Variants in TP53INP1 observed in about 807,000 individuals in gnomAD.
TP53INP1 encodes tumor protein p53-inducible nuclear protein 1.
TP53INP1 carries 12 observed loss-of-function variants against 21.0 expected under a neutral mutation model. That is an observed-to-expected ratio of 0.57 (90% CI 0.37 to 0.93). The LOEUF is 0.93. Ranked by LOEUF, TP53INP1 falls within the 40% of genes least tolerant of loss-of-function variation. The probability of loss-of-function intolerance (pLI) is 0.01; values close to 1 mark genes in which losing one functional copy is unlikely to be tolerated. For synonymous variants in TP53INP1, 91 were observed against 94.8 expected, an observed-to-expected ratio of 0.96 and a Z score of 0.23; for missense variants, 274 against 294.7, an observed-to-expected ratio of 0.93 and a Z score of 0.51.
At chr8:94,938,348 A>G (rs889114196) in intron 3 of TP53INP1, among the ~76,000 whole-genome samples, 1 of 152,188 alleles carries the variant, frequency 6.6e-6, no homozygotes, top group African/African-American at 2.4e-5. Context: ...TCCAAGTTTG[A>G]AGACTGAGGC....
chr8:94,940,248 C>G, intron 2 of TP53INP1, 28 bp from the exon 3 acceptor site: 1 of 1,575,266 alleles, frequency 6.3e-7, no homozygotes, highest in Non-Finnish European at 8.6e-7. Context: ...TTGCAGTCCA[C>G]ATGTGTTGTT....
intron 3 of TP53INP1, among the ~76,000 whole-genome samples, chr8:94,938,677 C>A (rs2956208): frequency 6.6e-6 from 1 of 152,216 alleles, no homozygotes; most frequent in African/African-American, 2.4e-5. Context: ...TTCAGGGAGC[C>A]TCTGGAGAGC....
chr8:94,930,498 G>A lies in TP53INP1; in HGVS notation c.704C>T (p.Pro235Leu), dbSNP rs745376357. ...HNGWVVHQPC[P>L]RQYNY The stretch of plus-strand genomic sequence containing the variant: ...AAACTATTAGTAATTGTACTGACGC[G>A]GGCAGGGCTGATGAACAACCCAGCC... The change falls in exon 4 of 4, where the codon CCG (proline) becomes CTG (leucine). Residue 235 changes from proline (P) to leucine (L), a missense_variant. Pro to Leu is a moderately conservative substitution (Grantham distance 98, BLOSUM62 -3). Coordinates refer to ENST00000342697, the MANE Select transcript of TP53INP1 (RefSeq NM_033285.4). 3.3e-5 allele frequency: 53 copies of A among 1,614,058 alleles called. No individual in the cohort carries two copies. The highest frequency in any genetic ancestry group is 2.4e-4 in the African/African-American group (18 of 74,922).
chr8:94,935,102 GGTAGGTAGGTAC>G (rs990617734), intron 3 of TP53INP1, among the ~76,000 whole-genome samples: 4 of 149,228 alleles, frequency 2.7e-5, no homozygotes, highest in Non-Finnish European at 5.9e-5. Flanking sequence ...TAGGTAGGTA[GGTAGGTAGGTAC>G]ATAGGTAGAT....
chr8:94,930,462 A>C lies in TP53INP1; in HGVS notation c.*17T>G. ...AAGCACAAACCAAGAGAAACCAACC[A>C]ACAAAACTTGAAACTATTAGTAATT... On this transcript the variant is annotated 3_prime_UTR_variant, in exon 4 of 4. Coordinates refer to ENST00000342697, the MANE Select transcript of TP53INP1 (RefSeq NM_033285.4). 2 of 1,613,006 alleles carry C rather than the reference A, an allele frequency of 1.2e-6. 1 individual carries two copies.
chr8:94,934,160 AC>A (rs1183117364), intron 3 of TP53INP1, among the ~76,000 whole-genome samples: 15 of 148,104 alleles, frequency 1.0e-4, no homozygotes, highest in African/African-American at 2.9e-4. Flanking sequence ...AAAAAAAAAA[AC>A]ACAATCTGGA....
chr8:94,930,361 A>C lies in TP53INP1; in HGVS notation c.*118T>G. 7.1e-7 allele frequency: 1 copy of C among 1,409,030 alleles called. No homozygotes were observed. The highest frequency in any genetic ancestry group is 9.7e-7 in the Non-Finnish European group (1 of 1,028,230). 87.3% of individuals were successfully genotyped at this position (1,409,030 alleles called of 1,614,324 possible). On this transcript the variant is annotated 3_prime_UTR_variant, in exon 4 of 4. Transcript: ENST00000342697. ...AAGATAGTGTCTAAATACACTGATA[A>C]AACTATGTGATTGGTTATCAATTGG...
intron 2 of TP53INP1, among the ~76,000 whole-genome samples, chr8:94,940,627 T>C (rs922287351): frequency 3.9e-5 from 6 of 152,192 alleles, no homozygotes; most frequent in African/African-American, 1.4e-4. Flanking sequence ...CTGTGAGAGT[T>C]GCAAAACTAA....
Position 94,928,593 on chromosome 8 carries a change from C to G in TP53INP1, c.*1886G>C, listed in dbSNP as rs1820102631. On this transcript the variant is annotated 3_prime_UTR_variant, in exon 4 of 4. Transcript: ENST00000342697. ...GACAACAAATAAATAAAGGGGAAGT[C>G]AAAACGGAAGGGGCAATAAGGAGAA... 6.6e-6 allele frequency: 1 copy of G among 152,364 alleles called. No individual in the cohort carries two copies. The highest frequency in any genetic ancestry group is 2.4e-5 in the African/African-American group (1 of 41,424). The allele number at this position is 152,364 out of a possible 1,614,324, so 9.4% of individuals were successfully genotyped here. A position where few individuals can be genotyped will look rare whatever the true frequency, so the allele number is the denominator to read the frequency against.
At chr8:94,936,293 A>G (rs949169658) in intron 3 of TP53INP1, among the ~76,000 whole-genome samples, 1 of 152,202 alleles carries the variant, frequency 6.6e-6, no homozygotes, top group Non-Finnish European at 1.5e-5. Flanking sequence ...GAAATGGTTT[A>G]TACAGGATCA....
Position 94,940,142 on chromosome 8 carries a change from G to A in TP53INP1, c.191C>T (p.Ser64Leu). 1 of 1,614,198 alleles carries A rather than the reference G, an allele frequency of 6.2e-7. No individual in the cohort carries two copies. Among genetic ancestry groups the A allele is most frequent in the Middle Eastern group, 1.6e-4 (1 of 6,062 alleles). ...ISEESPTEHP[S>L]VFSCLPASLE... is the part of the protein sequence containing the mutation. ...AGATGCCGGTAAACAGGAAAAGACT[G>A]AAGGGTGCTCAGTAGGTGACTCTTC... The change falls in exon 3 of 4, where the codon TCA becomes TTA. Residue 64 changes from serine (S) to leucine (L), a missense_variant. Physicochemically the swap from Ser to Leu is moderately radical, Grantham distance 145 (BLOSUM62 -2). Coordinates refer to ENST00000342697, the MANE Select transcript of TP53INP1 (RefSeq NM_033285.4).
At chr8:94,932,219 A>T in intron 3 of TP53INP1, 2 of 1,123,030 alleles carry the variant, frequency 1.8e-6, no homozygotes, top group Non-Finnish European at 2.6e-6. Context: ...ACTATGTGCC[A>T]TTAAAGGCAC....
rs1819881558 is a variant in TP53INP1, at chr8:94,926,248, A to C, written c.*4231T>G. ...TGCATAGATTGATGTACAGTAACCT[A>C]ACCAAATGTCCCTTTTGAATTTTCA... On this transcript the variant is annotated 3_prime_UTR_variant, in exon 4 of 4. Transcript: ENST00000342697. 1 of 152,600 alleles carries C rather than the reference A, an allele frequency of 6.6e-6. No individual in the cohort carries two copies. The highest frequency in any genetic ancestry group is 1.5e-5 in the Non-Finnish European group (1 of 68,024). 9.5% of individuals were successfully genotyped at this position (152,600 alleles called of 1,614,324 possible).
chr8:94,939,888 C>A lies in TP53INP1; in HGVS notation c.445G>T (p.Asp149Tyr). 3.1e-6 allele frequency: 5 copies of A among 1,613,586 alleles called. No individual in the cohort carries two copies. Among genetic ancestry groups the A allele is most frequent in the Non-Finnish European group, 4.2e-6 (5 of 1,179,670 alleles). Reference sequence around the variant, plus strand: ...GGACTACTTGGGCTATGTAATTCATCAGTCCCACGGGTGGCCTCACTGAGA... The same window carrying A: ...GGACTACTTGGGCTATGTAATTCATAAGTCCCACGGGTGGCCTCACTGAGA... The part of the protein sequence containing the change: ...PGLSEATRGT[D>Y]ELHSPSSPRV... Residue 149 changes from aspartate (D) to tyrosine (Y), a missense_variant, in exon 3 of 4, where the codon GAT becomes TAT. Physicochemically the swap from Asp to Tyr is radical, Grantham distance 160. Transcript: ENST00000342697.
intron 1 of TP53INP1, among the ~76,000 whole-genome samples, chr8:94,946,569 T>C (rs1822009875): frequency 6.6e-6 from 1 of 151,376 alleles, no homozygotes; most frequent in South Asian, 2.1e-4. Context: ...TGGTGGTATG[T>C]GCATGTAGTC....
In TP53INP1 at chr8:94,929,427, AAAAAG is replaced by A. The variant is rs1286652018; in HGVS notation, c.*1047_*1051del. The A allele has an allele frequency of 6.6e-6, 1 of 152,124 alleles. No homozygotes were observed. The allele number at this position is 152,124 out of a possible 1,614,324, so 9.4% of individuals were successfully genotyped here. ...TACAATACAAGGCAATTAAAAAAAA[AAAAAG>A]AAAAAAGTTGAGCCAACCTGTCACT... is the stretch of plus-strand genomic sequence containing the variant. On this transcript the variant is annotated 3_prime_UTR_variant, in exon 4 of 4. Transcript: ENST00000342697.
chr8:94,930,653 C>T lies in TP53INP1; in HGVS notation c.549G>A (p.Leu183=). The T allele has an allele frequency of 6.2e-7, 1 of 1,614,120 alleles. No homozygotes were observed. The change falls in exon 4 of 4, where the codon CTG becomes CTA. Residue 183 remains leucine, a synonymous_variant. Coordinates refer to ENST00000342697, the MANE Select transcript of TP53INP1 (RefSeq NM_033285.4). ...VAALAAHTTF[L]EQPKSFRPSQ... The stretch of plus-strand genomic sequence containing the variant: ...AAGGGCGAAAGCTCTTGGGTTGTTC[C>T]AGAAAAGTTGTATGAGCAGCAAGAG...
Position 94,935,716 on chromosome 8 carries a change from CCT to C in TP53INP1, c.473+4142_473+4143del, listed in dbSNP as rs1299204673. On this transcript the variant is annotated intron_variant, in intron 3 of 3. Coordinates refer to ENST00000342697, the MANE Select transcript of TP53INP1 (RefSeq NM_033285.4). The stretch of plus-strand genomic sequence containing the variant: ...TGGTATCAAGATCTATTGGTAAAGC[CCT>C]GATTCAGGCTACAATTAGATTGGAG... 3.9e-5 allele frequency among the ~76,000 whole-genome samples: 6 copies of C among 152,146 alleles called. No individual in the cohort carries two copies. In the East Asian group the frequency reaches 9.7e-4, roughly 25 times the overall value.
chr8:94,931,562 CACTTG>C (rs1421124531), intron 3 of TP53INP1, among the ~76,000 whole-genome samples: 1 of 147,518 alleles, frequency 6.8e-6, no homozygotes, highest in African/African-American at 2.5e-5. Flanking sequence ...TGCCTAAAAT[CACTTG>C]AGGAAACACA....
Sources: allele counts gnomAD v4.1 joint callset (sites outside exome capture counted in the v4.1 genomes callset), GRCh38; gene constraint gnomAD v4.1.1; transcripts MANE v1.5; gene names NCBI Gene and HGNC (gene_info 2026-07-23, HGNC 2026-07-21).